Variants in CSMD1 observed in about 807,000 individuals in gnomAD.
CSMD1 encodes the protein CUB and sushi domain-containing protein 1.
Under a neutral mutation model 417.5 loss-of-function variants are expected in CSMD1, and 213 were observed. The observed-to-expected ratio is 0.51, with a 90% CI of 0.46 to 0.57. The LOEUF is 0.57. Ranked by LOEUF, CSMD1 falls within the 20% of genes least tolerant of loss-of-function variation. The pLI is 0.00. For missense variants in CSMD1, 6,923 were observed against 4,529.7 expected, an observed-to-expected ratio of 1.53 and a Z score of -15.17; for synonymous variants, 2,862 against 1,736.8, an observed-to-expected ratio of 1.65 and a Z score of -16.11.
intron 1 of CSMD1, among the ~76,000 whole-genome samples, chr8:4,724,087 A>C (rs1459269560): frequency 6.6e-6 from 1 of 152,192 alleles, no homozygotes; most frequent in African/African-American, 2.4e-5. Context: ...ATATGCACTT[A>C]AGTGAGCCAT....
At chr8:4,707,802 G>A (rs1584974962) in intron 1 of CSMD1, among the ~76,000 whole-genome samples, 2 of 150,308 alleles carry the variant, frequency 1.3e-5, no homozygotes, top group South Asian at 2.1e-4. Context: ...CAGAAGAATC[G>A]CTTGAACTCG....
chr8:4,257,157 A>G (rs190271076), intron 3 of CSMD1, among the ~76,000 whole-genome samples: 4 of 152,076 alleles, frequency 2.6e-5, no homozygotes, highest in East Asian at 1.9e-4. Flanking sequence ...CAAATTACTA[A>G]AAGTTTGACC....
intron 6 of CSMD1, among the ~76,000 whole-genome samples, chr8:3,719,078 C>A (rs1426073164): frequency 6.6e-6 from 1 of 152,168 alleles, no homozygotes; most frequent in Non-Finnish European, 1.5e-5. Context: ...AGGTGGAAAA[C>A]AGAGGTGTCT....
At chr8:4,649,863 G>A (rs1803773537) in intron 1 of CSMD1, among the ~76,000 whole-genome samples, 2 of 152,136 alleles carry the variant, frequency 1.3e-5, no homozygotes, top group Non-Finnish European at 2.9e-5. Flanking sequence ...AAATAAAAGA[G>A]GTTTGGAATT....
chr8:3,951,567 G>A (rs556525863), intron 5 of CSMD1, among the ~76,000 whole-genome samples: 3 of 151,926 alleles, frequency 2.0e-5, no homozygotes, highest in Non-Finnish European at 4.4e-5. Flanking sequence ...CATCGCCAAA[G>A]ATATGAATCA....
At chr8:2,941,013 G>A (rs921843447) in intron 69 of CSMD1, among the ~76,000 whole-genome samples, 2 of 152,172 alleles carry the variant, frequency 1.3e-5, no homozygotes, top group African/African-American at 2.4e-5. Flanking sequence ...AGAAGGTAGT[G>A]GCATATCTTT....
At chr8:4,071,760 G>C (rs73502926) in intron 3 of CSMD1, among the ~76,000 whole-genome samples, 1 of 151,986 alleles carries the variant, frequency 6.6e-6, no homozygotes, top group Non-Finnish European at 1.5e-5. Context: ...TTCGTCTTTG[G>C]GGTTTTATTT....
intron 1 of CSMD1, among the ~76,000 whole-genome samples, chr8:4,964,802 G>A (rs1809747666): frequency 1.3e-5 from 2 of 151,982 alleles, no homozygotes; most frequent in Non-Finnish European, 2.9e-5. Flanking sequence ...TTTTATCGTC[G>A]TTGTCCACCT....
intron 29 of CSMD1, among the ~76,000 whole-genome samples, chr8:3,217,984 C>T (rs981096511): frequency 1.3e-5 from 2 of 152,082 alleles, no homozygotes; most frequent in African/African-American, 2.4e-5. Context: ...TTGTAATACA[C>T]CTTGTATTTT....
At chr8:4,117,368 C>A (rs1188219814) in intron 3 of CSMD1, among the ~76,000 whole-genome samples, 2 of 151,132 alleles carry the variant, frequency 1.3e-5, no homozygotes, top group Non-Finnish European at 2.9e-5. Flanking sequence ...TTCATAACAC[C>A]GGGACACCAG....
chr8:3,306,100 G>A (rs945588431), intron 25 of CSMD1, among the ~76,000 whole-genome samples: 5 of 151,982 alleles, frequency 3.3e-5, no homozygotes, highest in African/African-American at 1.2e-4. Flanking sequence ...CTCATGTAGG[G>A]TGTATAATAT....
chr8:4,045,900 G>A (rs1323079992), intron 3 of CSMD1, among the ~76,000 whole-genome samples: 4 of 151,708 alleles, frequency 2.6e-5, no homozygotes, highest in African/African-American at 9.7e-5. Flanking sequence ...CTATGCTGGT[G>A]AACACACACA....
At chr8:3,534,566 A>G (rs972704756) in intron 10 of CSMD1, among the ~76,000 whole-genome samples, 5 of 150,208 alleles carry the variant, frequency 3.3e-5, no homozygotes, top group East Asian at 2.0e-4. Flanking sequence ...GTGTACAATC[A>G]TTTACTTTCA....
intron 3 of CSMD1, among the ~76,000 whole-genome samples, chr8:4,327,726 G>T (rs1263400691): frequency 6.6e-6 from 1 of 152,156 alleles, no homozygotes; most frequent in Non-Finnish European, 1.5e-5. Context: ...TGAATAACAA[G>T]AGACCTACTG....
chr8:4,366,791 C>G (rs1451040149), intron 3 of CSMD1, among the ~76,000 whole-genome samples: 1 of 152,064 alleles, frequency 6.6e-6, no homozygotes, highest in African/African-American at 2.4e-5. Flanking sequence ...ATGTGCCATG[C>G]TGCTGTGCTG....
At chr8:3,245,267 C>A (rs1442565774) in intron 26 of CSMD1, among the ~76,000 whole-genome samples, 1 of 152,186 alleles carries the variant, frequency 6.6e-6, no homozygotes, top group Non-Finnish European at 1.5e-5. Context: ...AGGGCACATC[C>A]TGCCACCCTG....
At chr8:4,775,486 A>G (rs1563353413) in intron 1 of CSMD1, among the ~76,000 whole-genome samples, 1 of 152,234 alleles carries the variant, frequency 6.6e-6, no homozygotes, top group Non-Finnish European at 1.5e-5. Context: ...GGAAGGGTAT[A>G]AAATAAGCAA....
In CSMD1 at chr8:4,876,384, A is replaced by G. The variant is rs118050575; in HGVS notation, c.85+117948T>C. Reference sequence around the variant, plus strand: ...GAAAAAATGCATACCTCTCTGAAATACAGAGCAAACCGTTAAAGGAGTACA... The same window carrying G: ...GAAAAAATGCATACCTCTCTGAAATGCAGAGCAAACCGTTAAAGGAGTACA... On this transcript the variant is annotated intron_variant, in intron 1 of 69. Transcript: ENST00000635120. Among the ~76,000 whole-genome samples the G allele has an allele frequency of 2.2e-3, 336 of 152,248 alleles. 4 individuals carry two copies. Among genetic ancestry groups the G allele is most frequent in the Admixed American group, 4.0e-3 (61 of 15,308 alleles).
Position 4,007,320 on chromosome 8 carries a change from C to G in CSMD1, c.611-9210G>C, listed in dbSNP as rs554276154. On this transcript the variant is annotated intron_variant, in intron 4 of 69. Coordinates refer to ENST00000635120, the MANE Select transcript of CSMD1 (RefSeq NM_033225.6). ...AATGTTGGCTTCTTCTGTTCCTCAT[C>G]CTCCACCTCCTTTGGCTCCCATTTC... Among the ~76,000 whole-genome samples the G allele has an allele frequency of 2.0e-5, 3 of 152,308 alleles. No homozygotes were observed. In the South Asian group the frequency reaches 6.2e-4, roughly 32 times the overall value.
Sources: gnomAD v4.1 joint callset for allele counts (sites outside exome capture counted in the v4.1 genomes callset) on GRCh38, gnomAD v4.1.1 for gene constraint, MANE v1.5 for transcripts, NCBI Gene and HGNC (gene_info 2026-07-23, HGNC 2026-07-21) for gene names.